The following GCN1 variants were observed in gnomAD, a reference collection of about 807,000 sequenced individuals.
GCN1 encodes the protein GCN1 activator of EIF2AK4.
GCN1 carries 90 observed loss-of-function variants against 288.4 expected under a neutral mutation model. The observed-to-expected ratio is 0.31, with a 90% CI of 0.26 to 0.37. GCN1 has a LOEUF of 0.37. Ranked by LOEUF, GCN1 falls within the 10% of genes least tolerant of loss-of-function variation. The probability of loss-of-function intolerance (pLI) is 1.00; values close to 1 mark genes in which losing one functional copy is unlikely to be tolerated. For missense variants in GCN1, 2,586 were observed against 3,419.9 expected (o/e 0.76, Z 6.08); for synonymous variants, 1,386 against 1,420.2 (o/e 0.98, Z 0.54).
intron 54 of GCN1, among the ~76,000 whole-genome samples, chr12:120,131,690 T>G (rs1440787218): frequency 6.6e-6 from 1 of 152,218 alleles, no homozygotes; most frequent in Admixed American, 6.5e-5. Context: ...CAAGGCTCAC[T>G]GCAACCTTCA....
intron 2 of GCN1, among the ~76,000 whole-genome samples, chr12:120,186,524 GA>G (rs1430056119): frequency 2.0e-5 from 3 of 152,200 alleles, no homozygotes; most frequent in African/African-American, 7.2e-5. Flanking sequence ...CTGGGTGTAG[GA>G]AGAACCTGAG....
In GCN1 at chr12:120,153,836, A is replaced by G. The variant is rs1261922140; in HGVS notation, c.3775T>C (p.Phe1259Leu). 1 of 1,614,024 alleles carries G rather than the reference A, an allele frequency of 6.2e-7. No individual in the cohort carries two copies. The highest frequency in any genetic ancestry group is 8.5e-7 in the Non-Finnish European group (1 of 1,179,980). The part of the protein sequence containing the change: ...DSSQVKPLFQ[F>L]FVPDALNDRH... ...TCATTGAGGGCATCAGGGACAAAAA[A>G]CTGAAAGAGTGGCTTCACCTGAGAG... The change falls in exon 32 of 58, where the codon TTT becomes CTT. Residue 1259 changes from phenylalanine (F) to leucine (L), a missense_variant. By Grantham distance (22) the Phe-to-Leu change is conservative (BLOSUM62 0). Transcript: ENST00000300648. The surrounding 1 kb of genome is among the most constrained non-coding windows in gnomAD (Gnocchi z 4.4).
At position 120,140,922 on chromosome 12, in the gene GCN1, G is replaced by A. The variant is rs371127784; in HGVS notation, c.5931C>T (p.Ser1977=). ...ILEEGLRSQK[S]DERQGVCIGL... Reference sequence around the variant, plus strand: ...CAATGCACACACCCTGCCTCTCATCGCTCTTCTGAGACCTCAGGCCTTCCT... The same window carrying A: ...CAATGCACACACCCTGCCTCTCATCACTCTTCTGAGACCTCAGGCCTTCCT... Residue 1977 remains serine (S), a synonymous_variant, in exon 45 of 58, where the codon AGC becomes AGT. Coordinates refer to ENST00000300648, the MANE Select transcript of GCN1 (RefSeq NM_006836.2). 6.1e-5 allele frequency: 99 copies of A among 1,613,846 alleles called. No individual in the cohort carries two copies. Among genetic ancestry groups the A allele is most frequent in the South Asian group, 9.9e-5 (9 of 91,072 alleles).
chr12:120,189,588 C>T (rs1191940631), intron 2 of GCN1, among the ~76,000 whole-genome samples: 1 of 147,636 alleles, frequency 6.8e-6, no homozygotes, highest in Non-Finnish European at 1.5e-5. Context: ...AGGATGGTCT[C>T]AAACTCCTGA....
intron 18 of GCN1, among the ~76,000 whole-genome samples, chr12:120,163,830 A>G (rs975383473): frequency 2.0e-5 from 3 of 152,234 alleles, no homozygotes; most frequent in Admixed American, 2.0e-4. Flanking sequence ...TCAATTAATC[A>G]AGGATAAAGG....
Position 120,163,119 on chromosome 12 carries a change from A to G in GCN1, c.1989T>C (p.Thr663=), listed in dbSNP as rs771688209. The G allele has an allele frequency of 3.1e-6, 5 of 1,614,224 alleles. No individual in the cohort carries two copies. The Admixed American group carries it at 5.0e-5, about 16-fold the overall frequency. ...TCAGCATTTCCTGGGCCAGTTGTTC[A>G]GTGTCGGTGACATCACCCTTGAGCC... is the stretch of plus-strand genomic sequence containing the variant. The part of the protein sequence containing the change: ...VPGLKGDVTD[T]EQLAQEMLII... The change falls in exon 19 of 58, where the codon ACT becomes ACC. Residue 663 remains threonine (T), a synonymous_variant. Coordinates refer to ENST00000300648, the MANE Select transcript of GCN1 (RefSeq NM_006836.2).
At chr12:120,179,960 A>C (rs887872766) in intron 5 of GCN1, among the ~76,000 whole-genome samples, 1 of 152,108 alleles carries the variant, frequency 6.6e-6, no homozygotes, top group East Asian at 1.9e-4. Context: ...AACTGCATGG[A>C]GCTCACACCG....
chr12:120,130,868 C>CTAAG, intron 55 of GCN1, 115 bp from the exon 56 acceptor site: 1 of 656,108 alleles, frequency 1.5e-6, no homozygotes, highest in Non-Finnish European at 2.7e-6. Flanking sequence ...CCACATCACC[C>CTAAG]CTTACACCAT....
Position 120,134,841 on chromosome 12 carries a change from A to T in GCN1, c.7009-115T>A, listed in dbSNP as rs1015462828. On this transcript the variant is annotated intron_variant, in intron 51 of 57. Transcript: ENST00000300648. This position sits in a 1 kb window ranked among gnomAD's most constrained non-coding sequence, Gnocchi z 5.0. ...AACCACCACAGCGAGTCCAGCTCTC[A>T]TACAGGGCTGGGGACAGATAGCCCG... The T allele has an allele frequency of 1.7e-5, 15 of 873,350 alleles. No individual in the cohort carries two copies. The East Asian group carries it at 3.8e-4, about 22-fold the overall frequency. 54.1% of individuals were successfully genotyped at this position (873,350 alleles called of 1,614,324 possible).
Position 120,131,345 on chromosome 12 carries a change from G to A in GCN1, c.7415-12C>T. On this transcript the variant is annotated splice_polypyrimidine_tract_variant and intron_variant, in intron 54 of 57. Transcript: ENST00000300648. ...GCCGGACACGTCCGCTGGGTGGAAG[G>A]ACACGACTGGGATCAACCGGTATTT... The A allele has an allele frequency of 6.2e-7, 1 of 1,613,302 alleles. No homozygotes were observed. Among genetic ancestry groups the A allele is most frequent in the Non-Finnish European group, 8.5e-7 (1 of 1,179,862 alleles).
At chr12:120,169,276 C>CAAAAAAA (rs35819206) in intron 15 of GCN1, among the ~76,000 whole-genome samples, 22 of 66,594 alleles carry the variant, frequency 3.3e-4, no homozygotes, top group Admixed American at 7.8e-4. Flanking sequence ...AACTCCGTCT[C>CAAAAAAA]AAAAAAAAAA....
chr12:120,133,355 C>G (rs1237837539), intron 53 of GCN1, among the ~76,000 whole-genome samples: 1 of 152,226 alleles, frequency 6.6e-6, no homozygotes, highest in Non-Finnish European at 1.5e-5. Context: ...CAACTCCCTA[C>G]TGGCCCCACA....
chr12:120,145,466 G>A, intron 38 of GCN1, 136 bp from the exon 39 acceptor site: 2 of 610,978 alleles, frequency 3.3e-6, no homozygotes, highest in South Asian at 2.7e-5. Context: ...AAACCTCACT[G>A]CCCACGGAAC....
At position 120,164,477 on chromosome 12, in the gene GCN1, C is replaced by G; in HGVS notation, c.1707G>C (p.Leu569=). Residue 569 remains leucine (L), a synonymous_variant, in exon 18 of 58, where the codon CTG becomes CTC. Coordinates refer to ENST00000300648, the MANE Select transcript of GCN1 (RefSeq NM_006836.2). ...AGGTGCGGCTCAGGAGCACCGCCAC[C>G]AGAGCCCGGTGGTACTGCCTGCAAG... ...GNKVQQYHRA[L]VAVLLSRTWH... is the part of the protein sequence containing the mutation. The G allele has an allele frequency of 6.2e-7, 1 of 1,614,064 alleles. No individual in the cohort carries two copies. The highest frequency in any genetic ancestry group is 1.7e-5 in the Admixed American group (1 of 60,018).
chr12:120,173,787 G>C lies in GCN1; in HGVS notation c.1232C>G (p.Ala411Gly). The change falls in exon 14 of 58, where the codon GCT becomes GGT. Residue 411 changes from alanine (A) to glycine (G), a missense_variant. By Grantham distance (60) the Ala-to-Gly change is moderately conservative. Around this residue, in one of 8 missense-constraint regions of GCN1, gnomAD observed 913 missense variants for 1,107.0 expected, o/e 0.82. Transcript: ENST00000300648. ...GTLVHAVSVL[A>G]LWCNRFTMEV... The stretch of plus-strand genomic sequence containing the variant: ...CATAGTGAATCGGTTACACCAGAGA[G>C]CCAGGACTGAGACAGCGTGTACCAA... 6.2e-7 allele frequency: 1 copy of C among 1,613,976 alleles called. No individual in the cohort carries two copies. The highest frequency in any genetic ancestry group is 8.5e-7 in the Non-Finnish European group (1 of 1,179,834).
At position 120,137,501 on chromosome 12, in the gene GCN1, T is replaced by C. The variant is rs751478659; in HGVS notation, c.6663+44A>G. 4 of 1,599,796 alleles carry C rather than the reference T, an allele frequency of 2.5e-6. No individual in the cohort carries two copies. The highest frequency in any genetic ancestry group is 3.4e-6 in the Non-Finnish European group (4 of 1,169,482). On this transcript the variant is annotated intron_variant, in intron 49 of 57. Transcript: ENST00000300648. The surrounding 1 kb of genome is among the most constrained non-coding windows in gnomAD (Gnocchi z 5.2). The stretch of plus-strand genomic sequence containing the variant: ...GTCTATTCCTGTAAATGTCTGGAAT[T>C]TTCTAAAAGCAAAAGTTGGCTGTGG...
At chr12:120,128,042 A>G (rs1876675491) in intron 57 of GCN1, 68 bp from the exon 58 acceptor site, 1 of 1,567,298 alleles carries the variant, frequency 6.4e-7, no homozygotes, top group African/African-American at 1.4e-5. Flanking sequence ...CCAATTGGAG[A>G]AAGACAAAAA....
intron 2 of GCN1, among the ~76,000 whole-genome samples, chr12:120,186,575 G>C (rs1157379858): frequency 6.6e-6 from 1 of 152,184 alleles, no homozygotes; most frequent in Non-Finnish European, 1.5e-5. Context: ...TCAGGCACCT[G>C]AATGATGGAA....
chr12:120,193,372 C>G (rs1480194869), intron 1 of GCN1, among the ~76,000 whole-genome samples: 1 of 152,004 alleles, frequency 6.6e-6, no homozygotes, highest in Non-Finnish European at 1.5e-5. Context: ...GTGGTGCGAT[C>G]TCAGCTCACT....
Sources: gnomAD v4.1 joint callset for allele counts (sites outside exome capture counted in the v4.1 genomes callset) on GRCh38, gnomAD v4.1.1 for gene constraint, gnomAD v4.1.1 regional missense constraint, Gnocchi (gnomAD v3.1) non-coding constraint, MANE v1.5 for transcripts, NCBI Gene and HGNC (gene_info 2026-07-23, HGNC 2026-07-21) for gene names.